The following ABCC5 variants were observed in gnomAD, a reference collection of about 807,000 sequenced individuals.
The protein encoded by ABCC5 is ATP-binding cassette sub-family C member 5.
ABCC5 carries 61 observed loss-of-function variants against 160.9 expected under a neutral mutation model. The observed-to-expected ratio is 0.38, with a 90% CI of 0.31 to 0.47. The LOEUF (loss-of-function observed/expected upper bound fraction) is 0.47. Ranked by LOEUF, ABCC5 falls within the 20% of genes least tolerant of loss-of-function variation. The probability of loss-of-function intolerance (pLI) is 0.99; values close to 1 mark genes in which losing one functional copy is unlikely to be tolerated. For synonymous variants in ABCC5, 666 were observed against 700.6 expected, an observed-to-expected ratio of 0.95 and a Z score of 0.78; for missense variants, 1,308 against 1,813.3, an observed-to-expected ratio of 0.72 and a Z score of 5.06.
At position 183,984,609 on chromosome 3, in the gene ABCC5, G is replaced by C. The variant is rs1247978466; in HGVS notation, c.592-1602C>G. On this transcript the variant is annotated intron_variant, in intron 5 of 29. Coordinates refer to ENST00000334444, the MANE Select transcript of ABCC5 (RefSeq NM_005688.4). The stretch of plus-strand genomic sequence containing the variant: ...TTTGCCAAGTCCCAGGAAATAACCT[G>C]ATCAAATAGGAGACTTCAGATTCCA... 2.2e-6 allele frequency: 3 copies of C among 1,392,858 alleles called. No individual in the cohort carries two copies. In the African/African-American group the frequency reaches 4.4e-5, roughly 20 times the overall value. 86.3% of individuals were successfully genotyped at this position (1,392,858 alleles called of 1,614,324 possible). A position where few individuals can be genotyped will look rare whatever the true frequency, so the allele number is the denominator to read the frequency against.
intron 2 of ABCC5, among the ~76,000 whole-genome samples, chr3:183,996,128 T>C (rs1192333884): frequency 6.6e-6 from 1 of 152,202 alleles, no homozygotes; most frequent in African/African-American, 2.4e-5. Flanking sequence ...ATAAACATCT[T>C]TGATGTTTGA....
Position 183,928,785 on chromosome 3 carries a change from T to C in ABCC5, c.3895A>G (p.Ile1299Val). The C allele has an allele frequency of 6.2e-7, 1 of 1,614,130 alleles. No homozygotes were observed. Among genetic ancestry groups the C allele is most frequent in the Non-Finnish European group, 8.5e-7 (1 of 1,180,028 alleles). The change falls in exon 27 of 30, where the codon ATT (isoleucine) becomes GTT (valine). Residue 1299 changes from isoleucine to valine, a missense_variant. Ile to Val is a conservative substitution (Grantham distance 29). Coordinates refer to ENST00000334444, the MANE Select transcript of ABCC5 (RefSeq NM_005688.4). ...TGTGTCCTCTCCAGGGCATCCCAAA[T>C]CTGGTCTTCAGTGTACTGGTTGAAG... ...DPFNQYTEDQ[I>V]WDALERTHMK... is the part of the protein sequence containing the mutation.
intron 12 of ABCC5, chr3:183,967,429 T>A: frequency 2.4e-6 from 1 of 425,354 alleles, no homozygotes; most frequent in Non-Finnish European, 4.4e-6. Flanking sequence ...AATAGATACA[T>A]GCTGAATGAA....
In ABCC5 at chr3:184,017,449, G is replaced by A. The variant is rs1158638614; in HGVS notation, c.-56+381C>T. 1 of 152,194 alleles carries A rather than the reference G, an allele frequency of 6.6e-6. No homozygotes were observed. Among genetic ancestry groups the A allele is most frequent in the African/African-American group, 2.4e-5 (1 of 41,448 alleles). 9.4% of individuals were successfully genotyped at this position (152,194 alleles called of 1,614,324 possible). ...TGGGCGTTTCTCTCAGACCCGCTTC[G>A]CCTGGGATGCCCGGGCCCTAGGGCG... On this transcript the variant is annotated intron_variant, in intron 1 of 29. Coordinates refer to ENST00000334444, the MANE Select transcript of ABCC5 (RefSeq NM_005688.4). This position sits in a 1 kb window ranked among gnomAD's most constrained non-coding sequence, Gnocchi z 4.5.
At chr3:183,959,693 C>T in intron 17 of ABCC5, 40 bp downstream of exon 17, 1 of 1,442,408 alleles carries the variant, frequency 6.9e-7, no homozygotes, top group South Asian at 1.2e-5. Flanking sequence ...TTCTGATAAA[C>T]TTTGATGACA....
chr3:183,924,700 ACT>A (rs1372744540), intron 29 of ABCC5, among the ~76,000 whole-genome samples: 1 of 152,186 alleles, frequency 6.6e-6, no homozygotes, highest in Non-Finnish European at 1.5e-5. Context: ...ATGAGCGGTG[ACT>A]CTGCCCTCAG....
chr3:184,016,367 G>C (rs530631430), intron 1 of ABCC5, among the ~76,000 whole-genome samples: 8 of 152,316 alleles, frequency 5.3e-5, no homozygotes, highest in African/African-American at 1.9e-4. Flanking sequence ...CAGGCCCAAA[G>C]TAGGCACAAA....
intron 28 of ABCC5, among the ~76,000 whole-genome samples, chr3:183,926,142 G>T (rs1056886835): frequency 3.6e-4 from 47 of 131,996 alleles, no homozygotes; most frequent in East Asian, 9.0e-4. Context: ...CCAGCCTATT[G>T]TTTTTTTTTT....
At chr3:184,014,029 C>T (rs182293797) in intron 2 of ABCC5, among the ~76,000 whole-genome samples, 4 of 152,094 alleles carry the variant, frequency 2.6e-5, no homozygotes, top group Non-Finnish European at 5.9e-5. Context: ...CCCGCCACCA[C>T]GCCTGGCTAA....
chr3:183,979,447 A>G (rs935477186), intron 8 of ABCC5, among the ~76,000 whole-genome samples: 2 of 152,206 alleles, frequency 1.3e-5, no homozygotes, highest in Non-Finnish European at 2.9e-5. Context: ...AAATGCAGTA[A>G]TGACAACCGG....
chr3:183,993,188 G>A (rs1044464234), intron 2 of ABCC5, among the ~76,000 whole-genome samples: 3 of 151,956 alleles, frequency 2.0e-5, no homozygotes, highest in Admixed American at 6.6e-5. Context: ...AAATGTCTTC[G>A]TGAAGGTACT....
intron 22 of ABCC5, among the ~76,000 whole-genome samples, chr3:183,948,026 AAGCAAGCTAAACCAC>A (rs1715010934): frequency 6.6e-6 from 1 of 152,154 alleles, no homozygotes; most frequent in South Asian, 2.1e-4. Flanking sequence ...GCACCAGGAG[AAGCAAGCTAAACCAC>A]AGCAAAAGGG....
At position 183,963,585 on chromosome 3, in the gene ABCC5, C is replaced by T. The variant is rs1403706176; in HGVS notation, c.2035G>A (p.Gly679Arg). ...CCGCTCAGGTTGGCTCCTCGCTCTC[C>T]AATCTACAAGAGCCCAGAAGTGTGG... ...ILPSSDLTEI[G>R]ERGANLSGGQ... The change falls in exon 15 of 30, where the codon GGA becomes AGA. Residue 679 changes from glycine to arginine, a missense_variant. Transcript: ENST00000334444. This position sits in a 1 kb window ranked among gnomAD's most constrained non-coding sequence, Gnocchi z 4.6. The T allele has an allele frequency of 1.2e-6, 2 of 1,613,604 alleles. No homozygotes were observed.
rs753549407 is a variant in ABCC5 at position 183,951,408 on chromosome 3, C to T, written c.2944+33G>A. ...AGAAGGCTGGAAGCACAGTGAGCTCCAGAGTATTAAAAAAAGGCTCAGTGA... is the reference window on the plus strand; with the variant it reads ...AGAAGGCTGGAAGCACAGTGAGCTCTAGAGTATTAAAAAAAGGCTCAGTGA... On this transcript the variant is annotated intron_variant, in intron 20 of 29. Coordinates refer to ENST00000334444, the MANE Select transcript of ABCC5 (RefSeq NM_005688.4). The surrounding 1 kb of genome is among the most constrained non-coding windows in gnomAD (Gnocchi z 4.7). The T allele has an allele frequency of 1.2e-6, 2 of 1,611,398 alleles. No individual in the cohort carries two copies. The highest frequency in any genetic ancestry group is 1.7e-6 in the Non-Finnish European group (2 of 1,178,762).
At chr3:184,004,827 C>T (rs537060887) in intron 2 of ABCC5, among the ~76,000 whole-genome samples, 1 of 152,308 alleles carries the variant, frequency 6.6e-6, no homozygotes, top group South Asian at 2.1e-4. Context: ...AAAAGCCAAA[C>T]AATTATAAGC....
At chr3:183,942,230 G>A (rs558621795) in intron 25 of ABCC5, among the ~76,000 whole-genome samples, 1 of 152,018 alleles carries the variant, frequency 6.6e-6, no homozygotes, top group African/African-American at 2.4e-5. Context: ...GTAGAGACGG[G>A]GTTTCACCAT....
intron 8 of ABCC5, among the ~76,000 whole-genome samples, chr3:183,980,294 T>A (rs1013215354): frequency 4.6e-5 from 7 of 152,244 alleles, no homozygotes; most frequent in Non-Finnish European, 7.3e-5. Flanking sequence ...AACTCCTTAC[T>A]TGAACATGTA....
At chr3:184,012,357 C>A (rs1278545877) in intron 2 of ABCC5, among the ~76,000 whole-genome samples, 1 of 152,086 alleles carries the variant, frequency 6.6e-6, no homozygotes, top group African/African-American at 2.4e-5. Context: ...CATCCTATGC[C>A]CTGAACAACT....
intron 24 of ABCC5, 104 bp downstream of exon 24, chr3:183,945,746 G>A: frequency 1.2e-6 from 1 of 856,546 alleles, no homozygotes. Flanking sequence ...GATTAGATAG[G>A]CAGAGAACAC....
Sources: allele counts gnomAD v4.1 joint callset (sites outside exome capture counted in the v4.1 genomes callset), GRCh38; gene constraint gnomAD v4.1.1; non-coding constraint Gnocchi (gnomAD v3.1); transcripts MANE v1.5; gene names NCBI Gene and HGNC (gene_info 2026-07-23, HGNC 2026-07-21).